MAPK4: variants seen among roughly 807,000 people sequenced by gnomAD.
MAPK4 encodes Erk3-related.
In MAPK4, 22 loss-of-function variants were observed where a neutral mutation model predicts 47.7. That is an observed-to-expected ratio of 0.46 (90% CI 0.33 to 0.66). The LOEUF is 0.66. Ranked by LOEUF, MAPK4 falls within the 30% of genes least tolerant of loss-of-function variation. MAPK4 has a pLI of 0.02. For synonymous variants in MAPK4, 390 were observed against 365.7 expected, an observed-to-expected ratio of 1.07 and a Z score of -0.76; for missense variants, 736 against 831.7, an observed-to-expected ratio of 0.88 and a Z score of 1.42.
At chr18:50,707,212 G>C (rs1910103282) in intron 2 of MAPK4, among the ~76,000 whole-genome samples, 1 of 152,148 alleles carries the variant, frequency 6.6e-6, no homozygotes, top group African/African-American at 2.4e-5. Flanking sequence ...GCCAGAGGCA[G>C]GGGGCAAGAA....
At chr18:50,720,650 G>C (rs1338996792) in intron 3 of MAPK4, among the ~76,000 whole-genome samples, 1 of 152,166 alleles carries the variant, frequency 6.6e-6, no homozygotes, top group Non-Finnish European at 1.5e-5. Flanking sequence ...AGAGGGGTCA[G>C]GGGCTTGGGA....
chr18:50,580,981 T>C (rs555960669), intron 1 of MAPK4, among the ~76,000 whole-genome samples: 10 of 152,292 alleles, frequency 6.6e-5, no homozygotes, highest in Admixed American at 1.3e-4. Flanking sequence ...TCCTGGGGCC[T>C]TCCACCTTCT....
chr18:50,715,677 A>T (rs1290114251), intron 3 of MAPK4, among the ~76,000 whole-genome samples: 1 of 152,202 alleles, frequency 6.6e-6, no homozygotes. Context: ...TCTATGAAGT[A>T]TGGGCCTCTC....
intron 1 of MAPK4, among the ~76,000 whole-genome samples, chr18:50,604,031 C>T (rs2042562859): frequency 6.6e-6 from 1 of 152,116 alleles, no homozygotes; most frequent in South Asian, 2.1e-4. Flanking sequence ...GGCAGGCATA[C>T]CCAAACCATC....
chr18:50,729,407 C>T lies in MAPK4; in HGVS notation c.1317C>T (p.Asp439=). 2 of 1,559,016 alleles carry T rather than the reference C, an allele frequency of 1.3e-6. No homozygotes were observed. The highest frequency in any genetic ancestry group is 1.7e-6 in the Non-Finnish European group (2 of 1,154,394). ...DYKVGSPSYL[D]KLLWRDNKPH... ...AGGTGGGGTCGCCGTCCTACCTGGA[C>T]AAGCTGCTGTGGCGCGACAACAAGC... The change falls in exon 6 of 6, where the codon GAC becomes GAT. Residue 439 remains aspartate, a synonymous_variant. Coordinates refer to ENST00000400384, the MANE Select transcript of MAPK4 (RefSeq NM_002747.4).
chr18:50,608,327 T>C (rs1461276707), intron 1 of MAPK4, among the ~76,000 whole-genome samples: 1 of 152,240 alleles, frequency 6.6e-6, no homozygotes, highest in Non-Finnish European at 1.5e-5. Context: ...TTATAATTTA[T>C]AACTTCACTA....
rs1174303753 is a variant in MAPK4 at position 50,683,416 on chromosome 18, C to A, written c.546+18912C>A. On this transcript the variant is annotated intron_variant, in intron 2 of 5. Coordinates refer to ENST00000400384, the MANE Select transcript of MAPK4 (RefSeq NM_002747.4). Reference sequence around the variant, plus strand: ...GGGATTACAAGCTTGAGCTACCACTCCTGACCTAATATGTTCATTATTTTT... The same window carrying A: ...GGGATTACAAGCTTGAGCTACCACTACTGACCTAATATGTTCATTATTTTT... 4.6e-5 allele frequency among the ~76,000 whole-genome samples: 7 copies of A among 151,470 alleles called. No individual in the cohort carries two copies. The East Asian group carries it at 1.4e-3, about 30-fold the overall frequency.
intron 1 of MAPK4, among the ~76,000 whole-genome samples, chr18:50,655,075 C>T (rs542956840): frequency 4.2e-4 from 64 of 152,298 alleles, no homozygotes; most frequent in Middle Eastern, 6.8e-3. Flanking sequence ...ATAACAGGGT[C>T]CCCTCCTGTT....
chr18:50,715,153 C>A lies in MAPK4; in HGVS notation c.621C>A (p.Thr207=). The A allele has an allele frequency of 6.2e-7, 1 of 1,614,130 alleles. No individual in the cohort carries two copies. The highest frequency in any genetic ancestry group is 8.5e-7 in the Non-Finnish European group (1 of 1,180,024). The change falls in exon 3 of 6, where the codon ACC becomes ACA. Residue 207 remains threonine (T), a synonymous_variant. Transcript: ENST00000400384. The stretch of plus-strand genomic sequence containing the variant: ...TGCTCCTTTCCCCCAATAACTACAC[C>A]AAAGCCATCGACATGTGGGCCGCCG... ...PRLLLSPNNY[T]KAIDMWAAGC... is the part of the protein sequence containing the mutation.
chr18:50,611,284 TG>T (rs1846927450), intron 1 of MAPK4, among the ~76,000 whole-genome samples: 2 of 152,232 alleles, frequency 1.3e-5, no homozygotes, highest in African/African-American at 4.8e-5. Context: ...TATGTGTGCT[TG>T]GAAAAGCTAT....
chr18:50,702,615 G>A (rs968347154), intron 2 of MAPK4, among the ~76,000 whole-genome samples: 1 of 151,968 alleles, frequency 6.6e-6, no homozygotes, highest in African/African-American at 2.4e-5. Flanking sequence ...ATCTAATTTT[G>A]TGTTCATGAT....
intron 1 of MAPK4, among the ~76,000 whole-genome samples, chr18:50,651,839 A>T (rs1317605577): frequency 1.3e-5 from 2 of 152,146 alleles, no homozygotes; most frequent in African/African-American, 2.4e-5. Flanking sequence ...CCCAACTCTC[A>T]CAGAAAAGAA....
Position 50,729,684 on chromosome 18 carries a change from G to T in MAPK4, c.1594G>T (p.Gly532Cys). The T allele has an allele frequency of 6.5e-7, 1 of 1,532,156 alleles. No individual in the cohort carries two copies. Among genetic ancestry groups the T allele is most frequent in the African/African-American group, 1.4e-5 (1 of 72,656 alleles). The allele number at this position is 1,532,156 out of a possible 1,614,324, so 94.9% of individuals were successfully genotyped here. Residue 532 changes from glycine (G) to cysteine (C), a missense_variant, in exon 6 of 6, where the codon GGC (glycine) becomes TGC (cysteine). Gly to Cys is a radical substitution (Grantham distance 159). Around this residue, in one of 3 missense-constraint regions of MAPK4, gnomAD observed 377 missense variants for 378.6 expected, o/e 1.00. Transcript: ENST00000400384. ...CGGCCGCCCGGCCCCGGTGGACGGC[G>T]GCGCCAGCCCCCAGTTCGACCTGGA... The part of the protein sequence containing the change: ...PPGRPAPVDG[G>C]ASPQFDLDVF...
chr18:50,562,919 C>A (rs902728779), intron 1 of MAPK4, among the ~76,000 whole-genome samples: 2 of 152,120 alleles, frequency 1.3e-5, no homozygotes, highest in Non-Finnish European at 2.9e-5. Flanking sequence ...TTTCTCTTAT[C>A]AGACATTGAG....
intron 1 of MAPK4, among the ~76,000 whole-genome samples, chr18:50,561,826 A>G (rs550502852): frequency 2.6e-5 from 4 of 152,338 alleles, no homozygotes; most frequent in African/African-American, 9.6e-5. Context: ...CCTCTTTCCA[A>G]TTCAGTTTCC....
chr18:50,721,836 G>T, intron 3 of MAPK4, 102 bp from the exon 4 acceptor site: 1 of 1,164,264 alleles, frequency 8.6e-7, no homozygotes, highest in Non-Finnish European at 1.2e-6. Context: ...CTGCCCCACT[G>T]CCCTGTGTTG....
rs554142934 is a variant in MAPK4, at chr18:50,688,871, C to T, written c.546+24367C>T. Among the ~76,000 whole-genome samples the T allele has an allele frequency of 2.2e-3, 311 of 143,248 alleles. 1 individual carries two copies. The highest frequency in any genetic ancestry group is 3.7e-3 in the Admixed American group (51 of 13,882). 94.0% of individuals were successfully genotyped at this position (143,248 alleles called of 152,430 possible). A position where few individuals can be genotyped will look rare whatever the true frequency, so the allele number is the denominator to read the frequency against. ...CATATAACCAAATACCACCTGTTCT[C>T]CCAAAAACCTATGGAAATAAAAAAA... On this transcript the variant is annotated intron_variant, in intron 2 of 5. Coordinates refer to ENST00000400384, the MANE Select transcript of MAPK4 (RefSeq NM_002747.4).
chr18:50,648,841 G>A (rs1376363758), intron 1 of MAPK4, among the ~76,000 whole-genome samples: 1 of 152,156 alleles, frequency 6.6e-6, no homozygotes, highest in African/African-American at 2.4e-5. Context: ...CCTCATGGGG[G>A]CAGGTCAGCA....
At chr18:50,610,355 G>T (rs1200612799) in intron 1 of MAPK4, among the ~76,000 whole-genome samples, 1 of 152,232 alleles carries the variant, frequency 6.6e-6, no homozygotes, top group East Asian at 1.9e-4. Context: ...TCCCAGAGCA[G>T]AGGCTCAGAC....
Sources: gnomAD v4.1 joint callset for allele counts (sites outside exome capture counted in the v4.1 genomes callset) on GRCh38, gnomAD v4.1.1 for gene constraint, gnomAD v4.1.1 regional missense constraint, MANE v1.5 for transcripts, NCBI Gene and HGNC (gene_info 2026-07-23, HGNC 2026-07-21) for gene names.